The following RPA1 variants were observed in gnomAD, a reference collection of about 807,000 sequenced individuals.
The protein encoded by RPA1 is replication protein A1.
In RPA1, 49 loss-of-function variants were observed where a neutral mutation model predicts 83.0. The observed-to-expected ratio is 0.59, with a 90% CI of 0.47 to 0.75. The LOEUF is 0.75. RPA1 is among the 30% of genes least tolerant of loss of function. The probability of loss-of-function intolerance (pLI) is 0.00; values close to 1 mark genes in which losing one functional copy is unlikely to be tolerated. For synonymous variants in RPA1, 279 were observed against 281.8 expected (o/e 0.99, Z 0.10); for missense variants, 693 against 776.1 (o/e 0.89, Z 1.27).
At chr17:1,868,175 G>A (rs1913250943) in intron 5 of RPA1, among the ~76,000 whole-genome samples, 3 of 152,164 alleles carry the variant, frequency 2.0e-5, no homozygotes, top group Admixed American at 2.0e-4. Context: ...CCTTTCTCCA[G>A]TGTCTGTTAA....
intron 14 of RPA1, among the ~76,000 whole-genome samples, chr17:1,889,175 A>G (rs1914114722): frequency 6.6e-6 from 1 of 152,120 alleles, no homozygotes; most frequent in Non-Finnish European, 1.5e-5. Flanking sequence ...GTATTTAGTC[A>G]CTTTCATGTG....
At chr17:1,835,053 T>A (rs12601589) in intron 1 of RPA1, among the ~76,000 whole-genome samples, 31,166 of 152,058 alleles carry the variant, frequency 0.2, 3,364 homozygotes, top group Admixed American at 0.24. Flanking sequence ...GGTTTCGTCA[T>A]GTTGTCCAGG....
In RPA1 at chr17:1,838,246, G is replaced by A. The variant is rs1028404463; in HGVS notation, c.34-4557G>A. ...GCGGAGCTTGTAGTGAGCCAAGATC[G>A]CACCACTGCACTCCAGCCTGGGCAA... On this transcript the variant is annotated intron_variant, in intron 1 of 16. Transcript: ENST00000254719. 7.2e-5 allele frequency among the ~76,000 whole-genome samples: 11 copies of A among 151,846 alleles called. No homozygotes were observed. The South Asian group carries it at 1.0e-3, about 14-fold the overall frequency.
In RPA1 at chr17:1,897,551, A is replaced by AC. The variant is rs5030989; in HGVS notation, c.*385dup. Reference sequence around the variant, plus strand: ...GGTTTTTGCTTCTCCAGTGGTGACCACCCCCCCCCATCCCCGCTCACAACT... The same window carrying AC: ...GGTTTTTGCTTCTCCAGTGGTGACCACCCCCCCCCCATCCCCGCTCACAACT... On this transcript the variant is annotated 3_prime_UTR_variant, in exon 17 of 17. Coordinates refer to ENST00000254719, the MANE Select transcript of RPA1 (RefSeq NM_002945.5). 1,377 of 161,620 alleles carry AC rather than the reference A, an allele frequency of 8.5e-3. 14 individuals are homozygous for AC. Among genetic ancestry groups the AC allele is most frequent in the Middle Eastern group, 0.012 (4 of 324 alleles). 10.0% of individuals were successfully genotyped at this position (161,620 alleles called of 1,614,324 possible). A position where few individuals can be genotyped will look rare whatever the true frequency, so the allele number is the denominator to read the frequency against.
rs772997783 is a variant in RPA1, at chr17:1,872,465, GCCAGCAGCCAGC to G, written c.402_413del (p.Pro136_Ser139del). ...GGCAGCCGCAAGTAGCTCCTCCAGC[GCCAGCAGCCAGC>G]CCAGCAGCAAGCAGCAGGCCCCAGC... On this transcript the variant is annotated inframe_deletion, in exon 6 of 17. Transcript: ENST00000254719. The G allele has an allele frequency of 3.7e-6, 6 of 1,613,848 alleles. No individual in the cohort carries two copies. The highest frequency in any genetic ancestry group is 4.2e-6 in the Non-Finnish European group (5 of 1,179,964).
intron 14 of RPA1, among the ~76,000 whole-genome samples, chr17:1,890,499 A>G (rs1359003331): frequency 6.6e-6 from 1 of 152,004 alleles, no homozygotes; most frequent in African/African-American, 2.4e-5. Flanking sequence ...TGTCTCTACT[A>G]AAAGTACAAA....
chr17:1,847,998 A>G (rs1912325902), intron 4 of RPA1, among the ~76,000 whole-genome samples: 1 of 138,052 alleles, frequency 7.2e-6, no homozygotes, highest in South Asian at 2.2e-4. Flanking sequence ...TTACAGAGCA[A>G]GACCCCATCT....
At chr17:1,836,740 C>T (rs976361104) in intron 1 of RPA1, among the ~76,000 whole-genome samples, 2 of 148,938 alleles carry the variant, frequency 1.3e-5, no homozygotes, top group African/African-American at 2.5e-5. Flanking sequence ...TGGCTCACTC[C>T]AGCCTTGACC....
chr17:1,860,701 T>A (rs1912921934), intron 5 of RPA1, among the ~76,000 whole-genome samples: 1 of 152,198 alleles, frequency 6.6e-6, no homozygotes, highest in Non-Finnish European at 1.5e-5. Flanking sequence ...TCCGGATTTG[T>A]TTCCGTCAGT....
intron 4 of RPA1, among the ~76,000 whole-genome samples, chr17:1,846,253 G>C (rs1269772765): frequency 6.8e-6 from 1 of 147,454 alleles, no homozygotes; most frequent in Admixed American, 6.8e-5. Flanking sequence ...ATTGAATGTT[G>C]ATCTGGAGAA....
rs577334238 is a variant in RPA1 at position 1,833,907 on chromosome 17, C to T, written c.33+3781C>T. ...TTAAAAAGACTGATCATGGGCCAGG[C>T]GCAGTGGCTCATGCCTGTAATCTAA... On this transcript the variant is annotated intron_variant, in intron 1 of 16. Transcript: ENST00000254719. 7.9e-5 allele frequency among the ~76,000 whole-genome samples: 12 copies of T among 152,236 alleles called. No individual in the cohort carries two copies. In the South Asian group the frequency reaches 1.7e-3, roughly 21 times the overall value.
chr17:1,872,733 A>G (rs938263959), intron 6 of RPA1, among the ~76,000 whole-genome samples: 7 of 129,746 alleles, frequency 5.4e-5, no homozygotes, highest in African/African-American at 1.7e-4. Flanking sequence ...TTTTTTTGGA[A>G]GTAGGGTCTT....
At chr17:1,860,588 T>C (rs772972204) in intron 5 of RPA1, among the ~76,000 whole-genome samples, 17 of 152,214 alleles carry the variant, frequency 1.1e-4, no homozygotes, top group Non-Finnish European at 1.9e-4. Flanking sequence ...TTTGGGTCTT[T>C]AAAAACTCAT....
At chr17:1,844,814 A>G (rs2151271798) in intron 4 of RPA1, 128 bp downstream of exon 4, 1 of 560,082 alleles carries the variant, frequency 1.8e-6, no homozygotes, top group Non-Finnish European at 3.1e-6. Context: ...GGTAGCTAAC[A>G]CATGGCACCC....
At position 1,895,168 on chromosome 17, in the gene RPA1, C is replaced by A; in HGVS notation, c.1746+73C>A. ...TGTCACCTACGGCAGTGTCGTGACA[C>A]TCCCTGGCAGGGAGTTACTGTACTC... is the stretch of plus-strand genomic sequence containing the variant. On this transcript the variant is annotated intron_variant, in intron 16 of 16. Coordinates refer to ENST00000254719, the MANE Select transcript of RPA1 (RefSeq NM_002945.5). 4.0e-6 allele frequency: 5 copies of A among 1,238,358 alleles called. No homozygotes were observed. The South Asian group carries it at 6.3e-5, about 16-fold the overall frequency. 76.7% of individuals were successfully genotyped at this position (1,238,358 alleles called of 1,614,324 possible).
Position 1,888,859 on chromosome 17 carries a change from G to C in RPA1, c.1551+8G>C, listed in dbSNP as rs750332182. ...TACCGCATGATCCTGTCAGTAAGTAGCCTCGGTAGATGAGAACCACGGTTG... is the reference window on the plus strand; with the variant it reads ...TACCGCATGATCCTGTCAGTAAGTACCCTCGGTAGATGAGAACCACGGTTG... On this transcript the variant is annotated splice_region_variant and intron_variant, in intron 14 of 16. Coordinates refer to ENST00000254719, the MANE Select transcript of RPA1 (RefSeq NM_002945.5). 6.2e-7 allele frequency: 1 copy of C among 1,610,370 alleles called. No homozygotes were observed. Among genetic ancestry groups the C allele is most frequent in the Non-Finnish European group, 8.5e-7 (1 of 1,177,002 alleles).
chr17:1,850,624 G>T (rs1912458767), intron 4 of RPA1, among the ~76,000 whole-genome samples: 1 of 151,650 alleles, frequency 6.6e-6, no homozygotes, highest in African/African-American at 2.4e-5. Flanking sequence ...AGGCTGTGCT[G>T]GTGGCTCATG....
chr17:1,861,623 A>G (rs545896581), intron 5 of RPA1, among the ~76,000 whole-genome samples: 3 of 152,194 alleles, frequency 2.0e-5, no homozygotes, highest in South Asian at 4.1e-4. Context: ...GTTTGTCTCC[A>G]TATTTCTAAA....
At chr17:1,855,850 G>A (rs1034352701) in intron 5 of RPA1, among the ~76,000 whole-genome samples, 4 of 151,466 alleles carry the variant, frequency 2.6e-5, no homozygotes, top group African/African-American at 9.7e-5. Flanking sequence ...GTCTTAAACT[G>A]TAAGTTCAGT....
Sources: gnomAD v4.1 joint callset for allele counts (sites outside exome capture counted in the v4.1 genomes callset) on GRCh38, gnomAD v4.1.1 for gene constraint, MANE v1.5 for transcripts, NCBI Gene and HGNC (gene_info 2026-07-23, HGNC 2026-07-21) for gene names.